SLC25A13: variants seen among roughly 807,000 people sequenced by gnomAD.
The protein encoded by SLC25A13 is solute carrier family 25 member 13, also known as electrogenic aspartate/glutamate antiporter SLC25A13, mitochondrial.
A neutral mutation model predicts 85.5 loss-of-function variants in SLC25A13; 70 were observed. The ratio of observed to expected loss-of-function variants is 0.82; its 90% CI spans 0.68 to 1.00. SLC25A13 has a LOEUF of 1.00. SLC25A13 is among the 50% of genes least tolerant of loss of function. SLC25A13 has a pLI of 0.00. For synonymous variants in SLC25A13, 259 were observed against 288.7 expected (o/e 0.90, Z 1.04); for missense variants, 765 against 819.8 (o/e 0.93, Z 0.82).
chr7:96,176,128 T>C (rs1435055805), intron 11 of SLC25A13, among the ~76,000 whole-genome samples: 1 of 152,186 alleles, frequency 6.6e-6, no homozygotes, highest in East Asian at 1.9e-4. Flanking sequence ...TCCTTGTACC[T>C]TGACCTCAGA....
chr7:96,137,181 G>A (rs1335270075), intron 14 of SLC25A13, among the ~76,000 whole-genome samples: 3 of 152,268 alleles, frequency 2.0e-5, no homozygotes, highest in South Asian at 2.1e-4. Context: ...TGAGGAGGGT[G>A]AGTTTGAGTG....
Position 96,160,405 on chromosome 7 carries a change from C to T in SLC25A13, c.1311+9640G>A, listed in dbSNP as rs557779077. Reference sequence around the variant, plus strand: ...CTATCCTTAACTGTCTTAGTCTGTTCGGGCTTCTGTAACAAAGTATCATAG... The same window carrying T: ...CTATCCTTAACTGTCTTAGTCTGTTTGGGCTTCTGTAACAAAGTATCATAG... On this transcript the variant is annotated intron_variant, in intron 13 of 17. Coordinates refer to ENST00000265631, the MANE Select transcript of SLC25A13 (RefSeq NM_014251.3). Among the ~76,000 whole-genome samples the T allele has an allele frequency of 3.3e-5, 5 of 152,306 alleles. No homozygotes were observed. The South Asian group carries it at 1.0e-3, about 32-fold the overall frequency.
intron 9 of SLC25A13, among the ~76,000 whole-genome samples, chr7:96,188,659 T>C (rs1284161016): frequency 6.6e-6 from 1 of 152,230 alleles, no homozygotes; most frequent in Non-Finnish European, 1.5e-5. Flanking sequence ...GGGTAAGAGT[T>C]AAAGGAGAAA....
Position 96,155,168 on chromosome 7 carries a change from C to T in SLC25A13, c.1312-8472G>A, listed in dbSNP as rs947756295. 9.9e-5 allele frequency among the ~76,000 whole-genome samples: 15 copies of T among 152,128 alleles called. 1 individual carries two copies. Among genetic ancestry groups the T allele is most frequent in the Non-Finnish European group, 1.5e-5 (1 of 68,016 alleles). On this transcript the variant is annotated intron_variant, in intron 13 of 17. Transcript: ENST00000265631. ...TCTTTATTGAGAGTACATAGTTAAT[C>T]AAGAGGTCCTGGATGCTGGAGGAAT...
At chr7:96,252,661 G>A (rs1385047622) in intron 3 of SLC25A13, among the ~76,000 whole-genome samples, 1 of 152,122 alleles carries the variant, frequency 6.6e-6, no homozygotes, top group African/African-American at 2.4e-5. Context: ...CGTGAAGTGA[G>A]TATTGCAAAA....
intron 15 of SLC25A13, among the ~76,000 whole-genome samples, chr7:96,126,673 C>G (rs1013195053): frequency 6.6e-6 from 1 of 152,216 alleles, no homozygotes; most frequent in Non-Finnish European, 1.5e-5. Context: ...ACTGGGGCAT[C>G]TCTCAGTCCA....
At chr7:96,248,352 G>A (rs1215790130) in intron 3 of SLC25A13, among the ~76,000 whole-genome samples, 2 of 152,164 alleles carry the variant, frequency 1.3e-5, no homozygotes, top group Non-Finnish European at 2.9e-5. Context: ...AGGGCAGGGG[G>A]ACTCATAGAA....
intron 11 of SLC25A13, among the ~76,000 whole-genome samples, chr7:96,183,695 A>G (rs938015404): frequency 6.6e-6 from 1 of 152,104 alleles, no homozygotes; most frequent in African/African-American, 2.4e-5. Context: ...TGCTTAATGA[A>G]CCTTAGATGG....
At chr7:96,163,115 C>T (rs78759913) in intron 13 of SLC25A13, among the ~76,000 whole-genome samples, 163 of 152,238 alleles carry the variant, frequency 1.1e-3, no homozygotes, top group African/African-American at 3.6e-3. Context: ...ATTCCTATTA[C>T]GATGTAGGGT....
In SLC25A13 at chr7:96,126,803, G is replaced by C. The variant is rs142997023; in HGVS notation, c.1592-4806C>G. On this transcript the variant is annotated intron_variant, in intron 15 of 17. Transcript: ENST00000265631. ...CATTTTAAGGTATTTGGGAAGACAGGAGAGATGGATGAATATGCTCAGTCT... is the reference window on the plus strand; with the variant it reads ...CATTTTAAGGTATTTGGGAAGACAGCAGAGATGGATGAATATGCTCAGTCT... Among the ~76,000 whole-genome samples the C allele has an allele frequency of 3.3e-5, 5 of 152,306 alleles. No homozygotes were observed. In the East Asian group the frequency reaches 9.6e-4, roughly 29 times the overall value.
chr7:96,252,424 G>T (rs753505452), intron 3 of SLC25A13, among the ~76,000 whole-genome samples: 197 of 152,294 alleles, frequency 1.3e-3, no homozygotes, highest in Non-Finnish European at 2.4e-3. Context: ...GAGAGAGAAG[G>T]CTCAGGAGCC....
chr7:96,144,105 C>T (rs1274364184), intron 14 of SLC25A13, among the ~76,000 whole-genome samples: 1 of 152,146 alleles, frequency 6.6e-6, no homozygotes, highest in Non-Finnish European at 1.5e-5. Flanking sequence ...CAAAGCAATG[C>T]TAATGCTGTG....
In SLC25A13 at chr7:96,222,253, A is replaced by C. The variant is rs183244825; in HGVS notation, c.328+12549T>G. Among the ~76,000 whole-genome samples, 35 of 152,316 alleles carry C rather than the reference A, an allele frequency of 2.3e-4. 1 individual carries two copies. The East Asian group carries it at 6.4e-3, about 28-fold the overall frequency. Reference sequence around the variant, plus strand: ...AAAAGGTCACTGTAGTTTCCAATAAAGGGCAAAACTGGACCAGTTTCTTTC... The same window carrying C: ...AAAAGGTCACTGTAGTTTCCAATAACGGGCAAAACTGGACCAGTTTCTTTC... On this transcript the variant is annotated intron_variant, in intron 4 of 17. Transcript: ENST00000265631.
At chr7:96,180,383 C>T (rs1354794881) in intron 11 of SLC25A13, among the ~76,000 whole-genome samples, 1 of 151,996 alleles carries the variant, frequency 6.6e-6, no homozygotes, top group African/African-American at 2.4e-5. Context: ...CTCTTGTCTC[C>T]CAGGCAGGAA....
At chr7:96,219,296 G>A (rs1231545755) in intron 4 of SLC25A13, among the ~76,000 whole-genome samples, 1 of 152,042 alleles carries the variant, frequency 6.6e-6, no homozygotes, top group African/African-American at 2.4e-5. Flanking sequence ...AGTGGTGATA[G>A]GTATCTTTCA....
intron 3 of SLC25A13, among the ~76,000 whole-genome samples, chr7:96,264,059 G>A (rs1287972210): frequency 6.6e-6 from 1 of 151,998 alleles, no homozygotes; most frequent in Non-Finnish European, 1.5e-5. Context: ...TAAATCTATA[G>A]TCTATCATCA....
rs185861145 is a variant in SLC25A13, at chr7:96,140,639, G to A, written c.1452+5917C>T. Among the ~76,000 whole-genome samples, 941 of 151,772 alleles carry A rather than the reference G, an allele frequency of 6.2e-3. 5 individuals carry two copies. Among genetic ancestry groups the A allele is most frequent in the African/African-American group, 0.022 (897 of 41,400 alleles). On this transcript the variant is annotated intron_variant, in intron 14 of 17. Transcript: ENST00000265631. ...AGGATGGTCTTGATCTCCTGACCTC[G>A]TGATCTGCCCGCATCGGTCTCCCAC...
chr7:96,229,190 C>T (rs903637796), intron 4 of SLC25A13, among the ~76,000 whole-genome samples: 2 of 152,166 alleles, frequency 1.3e-5, no homozygotes, highest in African/African-American at 2.4e-5. Flanking sequence ...GGTGGGGACT[C>T]GGAGAACTTT....
At chr7:96,253,380 T>C (rs929269424) in intron 3 of SLC25A13, among the ~76,000 whole-genome samples, 2 of 152,076 alleles carry the variant, frequency 1.3e-5, no homozygotes, top group African/African-American at 4.8e-5. Flanking sequence ...CTAACTAAAC[T>C]TCCCTGGAGT....
Sources: allele counts gnomAD v4.1 joint callset (sites outside exome capture counted in the v4.1 genomes callset), GRCh38; gene constraint gnomAD v4.1.1; transcripts MANE v1.5; gene names NCBI Gene and HGNC (gene_info 2026-07-23, HGNC 2026-07-21).